The following ULK4 variants were observed in gnomAD, a reference collection of about 807,000 sequenced individuals.
ULK4 encodes inactive serine/threonine-protein kinase ULK4.
ULK4 carries 133 observed loss-of-function variants against 160.6 expected under a neutral mutation model. That is an observed-to-expected ratio of 0.83 (90% CI 0.72 to 0.96). The LOEUF (loss-of-function observed/expected upper bound fraction) is 0.96, where lower values mean the gene tolerates loss of function less well. Ranked by LOEUF, ULK4 falls within the 40% of genes least tolerant of loss-of-function variation. The pLI, the probability that ULK4 is intolerant of heterozygous loss-of-function variation, is 0.00. For missense variants in ULK4, 1,580 were observed against 1,499.5 expected, an observed-to-expected ratio of 1.05 and a Z score of -0.89; for synonymous variants, 534 against 539.8, an observed-to-expected ratio of 0.99 and a Z score of 0.15.
intron 34 of ULK4, among the ~76,000 whole-genome samples, chr3:41,444,129 A>G (rs1011437742): frequency 3.9e-5 from 6 of 152,306 alleles, no homozygotes; most frequent in Admixed American, 2.6e-4. Flanking sequence ...ACCAATTAAT[A>G]TTTTAATTTA....
chr3:41,844,634 G>A (rs189424159), intron 17 of ULK4, among the ~76,000 whole-genome samples: 97 of 152,332 alleles, frequency 6.4e-4, no homozygotes, highest in Non-Finnish European at 1.1e-3. Flanking sequence ...GCAGGCTGAA[G>A]GGCTCCTCAA....
chr3:41,455,686 G>C (rs2083531234), intron 33 of ULK4, 91 bp from the exon 34 acceptor site: 2 of 1,127,390 alleles, frequency 1.8e-6, no homozygotes, highest in Admixed American at 3.9e-5. Flanking sequence ...GCAGACACAA[G>C]GGGCTGAGGA....
At chr3:41,825,143 C>A (rs1484885481) in intron 18 of ULK4, among the ~76,000 whole-genome samples, 1 of 152,122 alleles carries the variant, frequency 6.6e-6, no homozygotes, top group African/African-American at 2.4e-5. Context: ...GAAGGGACAT[C>A]CACACCAAAA....
intron 32 of ULK4, among the ~76,000 whole-genome samples, chr3:41,546,767 TAAAAAAA>T (rs1158675738): frequency 6.1e-5 from 2 of 32,538 alleles, no homozygotes; most frequent in East Asian, 7.9e-4. Context: ...CCTAGGCCCT[TAAAAAAA>T]AAAAAAAAAA....
chr3:41,630,276 G>A (rs980407833), intron 30 of ULK4, among the ~76,000 whole-genome samples: 3 of 152,224 alleles, frequency 2.0e-5, no homozygotes, highest in Admixed American at 6.5e-5. Context: ...CTGGAGGCTG[G>A]AGGTGGAGGG....
At chr3:41,490,555 T>C (rs2084715192) in intron 32 of ULK4, among the ~76,000 whole-genome samples, 1 of 152,222 alleles carries the variant, frequency 6.6e-6, no homozygotes, top group South Asian at 2.1e-4. Flanking sequence ...ACCATTCAAT[T>C]TTGCAATATC....
intron 16 of ULK4, among the ~76,000 whole-genome samples, chr3:41,889,788 T>C (rs1342682223): frequency 1.3e-5 from 2 of 152,210 alleles, no homozygotes; most frequent in East Asian, 1.9e-4. Context: ...TAAAAACGTA[T>C]GTTCACACAA....
chr3:41,453,630 T>C (rs1372934669), intron 34 of ULK4, among the ~76,000 whole-genome samples: 2 of 152,202 alleles, frequency 1.3e-5, no homozygotes, highest in East Asian at 1.9e-4. Flanking sequence ...AAGTAACAAA[T>C]ATTGTTAGTT....
At chr3:41,914,200 AAAAAG>A (rs1173113869) in intron 8 of ULK4, among the ~76,000 whole-genome samples, 6 of 152,242 alleles carry the variant, frequency 3.9e-5, no homozygotes, top group African/African-American at 1.4e-4. Context: ...TTTTAAAACA[AAAAAG>A]AAAAGAATTT....
chr3:41,649,244 C>T (rs1464659939), intron 30 of ULK4, among the ~76,000 whole-genome samples: 1 of 152,178 alleles, frequency 6.6e-6, no homozygotes. Context: ...AGCAGCGGCC[C>T]ATTTGGAGCG....
At position 41,920,440 on chromosome 3, in the gene ULK4, A is replaced by G. The variant is rs144548598; in HGVS notation, c.542-622T>C. Among the ~76,000 whole-genome samples the G allele has an allele frequency of 3.5e-3, 535 of 152,274 alleles. 4 individuals carry two copies. The highest frequency in any genetic ancestry group is 0.012 in the African/African-American group (504 of 41,552). ...AAAAGCCCCATTGTGTGCCCCATAT[A>G]CTTTATACAAAGTTTAATATTACAC... On this transcript the variant is annotated intron_variant, in intron 5 of 36. Transcript: ENST00000301831.
At chr3:41,513,135 A>G (rs909901609) in intron 32 of ULK4, among the ~76,000 whole-genome samples, 1 of 152,232 alleles carries the variant, frequency 6.6e-6, no homozygotes, top group African/African-American at 2.4e-5. Context: ...CTCACCTTAT[A>G]TAAAAATGAA....
chr3:41,280,062 A>C (rs947430820), intron 35 of ULK4, among the ~76,000 whole-genome samples: 1 of 152,228 alleles, frequency 6.6e-6, no homozygotes, highest in Non-Finnish European at 1.5e-5. Context: ...GAAACAAAGA[A>C]GGCCATTACA....
chr3:41,656,871 T>C (rs2125749441), intron 30 of ULK4, among the ~76,000 whole-genome samples: 1 of 152,262 alleles, frequency 6.6e-6, no homozygotes, highest in Admixed American at 6.5e-5. Context: ...CCAAAAGAAC[T>C]CAAAGAAGTT....
Position 41,453,428 on chromosome 3 carries a change from C to T in ULK4, c.3492+2069G>A, listed in dbSNP as rs890756204. 4.6e-5 allele frequency among the ~76,000 whole-genome samples: 7 copies of T among 152,264 alleles called. No individual in the cohort carries two copies. The East Asian group carries it at 9.7e-4, about 21-fold the overall frequency. ...CAGGACCCAATCGATTCTCCCATCTCGACCACCCAAAGTGCCAGTATTACA... is the reference window on the plus strand; with the variant it reads ...CAGGACCCAATCGATTCTCCCATCTTGACCACCCAAAGTGCCAGTATTACA... On this transcript the variant is annotated intron_variant, in intron 34 of 36. Coordinates refer to ENST00000301831, the MANE Select transcript of ULK4 (RefSeq NM_017886.4).
chr3:41,607,367 T>G (rs567434077), intron 31 of ULK4, among the ~76,000 whole-genome samples: 1 of 152,178 alleles, frequency 6.6e-6, no homozygotes, highest in East Asian at 1.9e-4. Flanking sequence ...CTAAGCATGC[T>G]AGGAAACACA....
rs534274518 is a variant in ULK4, at chr3:41,563,372, T to C, written c.3226+2653A>G. Among the ~76,000 whole-genome samples, 3 of 152,312 alleles carry C rather than the reference T, an allele frequency of 2.0e-5. No homozygotes were observed. In the East Asian group the frequency reaches 5.8e-4, roughly 29 times the overall value. On this transcript the variant is annotated intron_variant, in intron 32 of 36. Coordinates refer to ENST00000301831, the MANE Select transcript of ULK4 (RefSeq NM_017886.4). ...CTTCTCAAGGAGTATCTTTGTGGTG[T>C]TCTCTGTATTTCCTGAATTTGAATG...
intron 35 of ULK4, among the ~76,000 whole-genome samples, chr3:41,280,469 C>T (rs1010433444): frequency 3.3e-5 from 5 of 152,316 alleles, no homozygotes; most frequent in African/African-American, 1.2e-4. Flanking sequence ...TCTCAGACCA[C>T]AGTGCAATCA....
intron 35 of ULK4, among the ~76,000 whole-genome samples, chr3:41,279,558 G>A (rs2079308946): frequency 1.7e-5 from 1 of 57,990 alleles, no homozygotes; most frequent in Non-Finnish European, 3.2e-5. Context: ...GACAGCTAGA[G>A]AGAAAGGTCG....
Sources: allele counts gnomAD v4.1 joint callset (sites outside exome capture counted in the v4.1 genomes callset), GRCh38; gene constraint gnomAD v4.1.1; transcripts MANE v1.5; gene names NCBI Gene and HGNC (gene_info 2026-07-23, HGNC 2026-07-21).